PLXNC1: variants seen among roughly 807,000 people sequenced by gnomAD.
The protein encoded by PLXNC1 is plexin-C1.
A neutral mutation model predicts 178.2 loss-of-function variants in PLXNC1; 75 were observed. That is an observed-to-expected ratio of 0.42 (90% CI 0.35 to 0.51). The LOEUF (loss-of-function observed/expected upper bound fraction) is 0.51, where lower values mean the gene tolerates loss of function less well. Ranked by LOEUF, PLXNC1 falls within the 20% of genes least tolerant of loss-of-function variation. The probability of loss-of-function intolerance (pLI) is 0.02; values close to 1 mark genes in which losing one functional copy is unlikely to be tolerated. For synonymous variants in PLXNC1, 790 were observed against 779.9 expected (o/e 1.01, Z -0.22); for missense variants, 1,503 against 1,984.4 (o/e 0.76, Z 4.61).
At chr12:94,184,654 C>T (rs899358466) in intron 3 of PLXNC1, among the ~76,000 whole-genome samples, 16 of 152,198 alleles carry the variant, frequency 1.1e-4, no homozygotes, top group Non-Finnish European at 2.1e-4. Flanking sequence ...CTGAAGTGAT[C>T]TGTCCACCTC....
Position 94,149,989 on chromosome 12 carries a change from G to A in PLXNC1, c.1018G>A (p.Ala340Thr). 2 of 1,595,448 alleles carry A rather than the reference G, an allele frequency of 1.3e-6. No homozygotes were observed. Among genetic ancestry groups the A allele is most frequent in the South Asian group, 1.1e-5 (1 of 88,362 alleles). Reference sequence around the variant, plus strand: ...CAGAATGAGTGAGATCCAGGCGCGCGCCAAGAGGGTCAGCTGGGACTTCAA... The same window carrying A: ...CAGAATGAGTGAGATCCAGGCGCGCACCAAGAGGGTCAGCTGGGACTTCAA... The part of the protein sequence containing the change: ...LFRMSEIQAR[A>T]KRVSWDFKTA... Residue 340 changes from alanine (A) to threonine (T), a missense_variant, in exon 1 of 31, where the codon GCC becomes ACC. Around this residue, in one of 4 missense-constraint regions of PLXNC1, gnomAD observed 615 missense variants for 698.6 expected, o/e 0.88. Transcript: ENST00000258526.
chr12:94,243,256 C>T (rs1171768273), intron 11 of PLXNC1, among the ~76,000 whole-genome samples: 1 of 152,186 alleles, frequency 6.6e-6, no homozygotes, highest in Non-Finnish European at 1.5e-5. Flanking sequence ...GGCTCTTGTC[C>T]CCTAGAATGA....
At chr12:94,217,450 C>T (rs1027799631) in intron 5 of PLXNC1, among the ~76,000 whole-genome samples, 4 of 152,212 alleles carry the variant, frequency 2.6e-5, no homozygotes, top group Non-Finnish European at 1.5e-5. Context: ...CCTTTATCCC[C>T]ACCCCAGATT....
rs33995488 is a variant in PLXNC1, at chr12:94,156,477, CT to C, written c.1062+6459del. On this transcript the variant is annotated intron_variant, in intron 1 of 30. Transcript: ENST00000258526. The stretch of plus-strand genomic sequence containing the variant: ...GCCTGCCTTGATCCCCACTGTCTAT[CT>C]TTTTTTTTTTTTTTCTTGAAACAGG... Among the ~76,000 whole-genome samples the C allele has an allele frequency of 5.0e-3, 707 of 140,166 alleles. 20 individuals are homozygous for C. The highest frequency in any genetic ancestry group is 0.042 in the Admixed American group (586 of 14,040). 92.0% of individuals were successfully genotyped at this position (140,166 alleles called of 152,430 possible).
chr12:94,281,356 A>T lies in PLXNC1; in HGVS notation c.3776-942A>T, dbSNP rs1166214692. Among the ~76,000 whole-genome samples, 9 of 152,278 alleles carry T rather than the reference A, an allele frequency of 5.9e-5. No homozygotes were observed. The South Asian group carries it at 1.9e-3, about 32-fold the overall frequency. ...TATGCTTGGAGCTCTTACAGCAGAG[A>T]CTCAAAAACGCAGATGCCCAAAGGG... On this transcript the variant is annotated intron_variant, in intron 22 of 30. Transcript: ENST00000258526.
rs1373936600 is a variant in PLXNC1 at position 94,306,806 on chromosome 12, A to AAAAT, written c.*1524_*1527dup. On this transcript the variant is annotated 3_prime_UTR_variant, in exon 31 of 31. Coordinates refer to ENST00000258526, the MANE Select transcript of PLXNC1 (RefSeq NM_005761.3). Reference sequence around the variant, plus strand: ...TGACACCTCAACAAACTGATCAGAGAAAATAAGCAGTTACTACCCTGATAG... The same window carrying AAAAT: ...TGACACCTCAACAAACTGATCAGAGAAAATAAATAAGCAGTTACTACCCTGATAG... 6.6e-6 allele frequency: 1 copy of AAAAT among 152,202 alleles called. No individual in the cohort carries two copies. The highest frequency in any genetic ancestry group is 2.4e-5 in the African/African-American group (1 of 41,450). 9.4% of individuals were successfully genotyped at this position (152,202 alleles called of 1,614,324 possible).
chr12:94,250,048 A>C (rs1964638193), intron 14 of PLXNC1, among the ~76,000 whole-genome samples: 5 of 152,180 alleles, frequency 3.3e-5, no homozygotes, highest in Admixed American at 2.6e-4. Flanking sequence ...GAGTGGGAAC[A>C]AGCCATGGGC....
At chr12:94,287,149 A>G (rs1219665285) in intron 23 of PLXNC1, among the ~76,000 whole-genome samples, 1 of 152,210 alleles carries the variant, frequency 6.6e-6, no homozygotes, top group African/African-American at 2.4e-5. Context: ...TCTGATGAAC[A>G]CAGAGGAGGG....
At chr12:94,195,192 G>A (rs968248023) in intron 4 of PLXNC1, among the ~76,000 whole-genome samples, 8 of 152,200 alleles carry the variant, frequency 5.3e-5, no homozygotes, top group Non-Finnish European at 1.0e-4. Context: ...CCATATTTGT[G>A]TTTTAAAAAG....
At chr12:94,194,854 C>A (rs562616876) in intron 4 of PLXNC1, among the ~76,000 whole-genome samples, 1 of 152,110 alleles carries the variant, frequency 6.6e-6, no homozygotes, top group South Asian at 2.1e-4. Context: ...TGGTAGGCAA[C>A]GAAGTTGTGT....
At position 94,180,656 on chromosome 12, in the gene PLXNC1, G is replaced by A. The variant is rs140301169; in HGVS notation, c.1204-790G>A. On this transcript the variant is annotated intron_variant, in intron 2 of 30. Coordinates refer to ENST00000258526, the MANE Select transcript of PLXNC1 (RefSeq NM_005761.3). ...AACCACTGAGTACTGAGTCACACTT[G>A]CGTATATTTTATATGTGAACACAAA... is the stretch of plus-strand genomic sequence containing the variant. Among the ~76,000 whole-genome samples, 9 of 152,318 alleles carry A rather than the reference G, an allele frequency of 5.9e-5. No homozygotes were observed. In the East Asian group the frequency reaches 1.5e-3, roughly 26 times the overall value.
chr12:94,237,123 T>C (rs933055920), intron 9 of PLXNC1, among the ~76,000 whole-genome samples: 5 of 152,242 alleles, frequency 3.3e-5, no homozygotes, highest in African/African-American at 1.2e-4. Context: ...AACTACTTGA[T>C]AGTAGGTGAC....
intron 9 of PLXNC1, among the ~76,000 whole-genome samples, chr12:94,229,979 A>G (rs1014469349): frequency 6.6e-6 from 1 of 152,200 alleles, no homozygotes; most frequent in African/African-American, 2.4e-5. Context: ...CTATCCTGCA[A>G]AACTATAGCA....
At chr12:94,279,126 C>T (rs1966227633) in intron 21 of PLXNC1, among the ~76,000 whole-genome samples, 4 of 152,194 alleles carry the variant, frequency 2.6e-5, no homozygotes, top group Admixed American at 1.3e-4. Flanking sequence ...GCCTCATCTA[C>T]TGTGGAACCC....
Position 94,149,788 on chromosome 12 carries a change from G to T in PLXNC1, c.817G>T (p.Val273Leu). ...SMARIAQSTE[V>L]LFQGQASLDC... is the part of the protein sequence containing the mutation. Reference sequence around the variant, plus strand: ...GGCGCGCATCGCGCAGAGCACCGAGGTGCTGTTCCAGGGCCAGGCATCCCT... The same window carrying T: ...GGCGCGCATCGCGCAGAGCACCGAGTTGCTGTTCCAGGGCCAGGCATCCCT... The change falls in exon 1 of 31, where the codon GTG becomes TTG. Residue 273 changes from valine (V) to leucine (L), a missense_variant. Val to Leu is a conservative substitution (Grantham distance 32). Around this residue, in one of 4 missense-constraint regions of PLXNC1, gnomAD observed 615 missense variants for 698.6 expected, o/e 0.88. Transcript: ENST00000258526. The T allele has an allele frequency of 1.2e-6, 2 of 1,607,712 alleles. No individual in the cohort carries two copies. The highest frequency in any genetic ancestry group is 1.7e-6 in the Non-Finnish European group (2 of 1,178,804).
At chr12:94,232,344 C>T (rs1385407555) in intron 9 of PLXNC1, among the ~76,000 whole-genome samples, 1 of 152,202 alleles carries the variant, frequency 6.6e-6, no homozygotes, top group East Asian at 1.9e-4. Context: ...CTGCTTCAGC[C>T]TCCCAAAGTG....
intron 14 of PLXNC1, 141 bp downstream of exon 14, chr12:94,248,553 G>A (rs758661942): frequency 2.4e-5 from 17 of 705,644 alleles, no homozygotes; most frequent in Non-Finnish European, 3.5e-5. Context: ...CTGGTACTGC[G>A]AGCCCAAGCA....
intron 26 of PLXNC1, 127 bp downstream of exon 26, chr12:94,297,550 T>G: frequency 1.5e-6 from 1 of 664,100 alleles, no homozygotes; most frequent in Admixed American, 2.6e-5. Flanking sequence ...AAAATGAAAG[T>G]TTAAATTGTA....
intron 1 of PLXNC1, among the ~76,000 whole-genome samples, chr12:94,158,417 C>T (rs780571468): frequency 6.6e-6 from 1 of 152,194 alleles, no homozygotes; most frequent in African/African-American, 2.4e-5. Context: ...GGATTTTATC[C>T]TGATGGTTGG....
Sources: gnomAD v4.1 joint callset for allele counts (sites outside exome capture counted in the v4.1 genomes callset) on GRCh38, gnomAD v4.1.1 for gene constraint, gnomAD v4.1.1 regional missense constraint, MANE v1.5 for transcripts, NCBI Gene and HGNC (gene_info 2026-07-23, HGNC 2026-07-21) for gene names.